The following FAM83H variants were observed in gnomAD, a reference collection of about 807,000 sequenced individuals.
The protein encoded by FAM83H is protein FAM83H.
A neutral mutation model predicts 30.2 loss-of-function variants in FAM83H; 24 were observed. That is an observed-to-expected ratio of 0.79 (90% CI 0.57 to 1.12). FAM83H has a LOEUF of 1.12. Among genes scored for constraint, FAM83H ranks in the 50% most tolerant of loss-of-function variants. The pLI, the probability that FAM83H is intolerant of heterozygous loss-of-function variation, is 0.00. For missense variants in FAM83H, 2,038 were observed against 1,773.9 expected (o/e 1.15, Z -2.67); for synonymous variants, 1,013 against 821.7 (o/e 1.23, Z -3.98).
chr8:143,728,685 G>A lies in FAM83H; in HGVS notation c.776C>T (p.Ala259Val), dbSNP rs782675986. 11 of 1,601,688 alleles carry A rather than the reference G, an allele frequency of 6.9e-6. 2 individuals carry two copies. In the South Asian group the frequency reaches 1.1e-4, roughly 16 times the overall value. The change falls in exon 5 of 5, where the codon GCG (alanine) becomes GTG (valine). Residue 259 changes from alanine to valine, a missense_variant. By Grantham distance (64) the Ala-to-Val change is moderately conservative (BLOSUM62 0). Transcript: ENST00000388913. ...WSFEKIHRSL[A>V]HVFQGELVSS... ...GACCAGCTCTCCTTGGAACACGTGC[G>A]CCAGGCTGCGGTGGATCTTCTCAAA...
chr8:143,730,409 A>C lies in FAM83H; in HGVS notation c.174T>G (p.Pro58=), dbSNP rs782669495. 2 of 1,613,094 alleles carry C rather than the reference A, an allele frequency of 1.2e-6. No homozygotes were observed. Among genetic ancestry groups the C allele is most frequent in the Non-Finnish European group, 1.7e-6 (2 of 1,180,036 alleles). ...GTCGGCTCACATGTTCCAGCTCTTC[A>C]GGGCACAGGAAGTCTGGTGCCCCCT... The part of the protein sequence containing the change: ...ATEGAPDFLC[P]EELEHVSRHL... Residue 58 remains proline, a synonymous_variant, in exon 2 of 5, where the codon CCT becomes CCG. Transcript: ENST00000388913.
At chr8:143,730,936 A>C (rs1016178382) in intron 1 of FAM83H, among the ~76,000 whole-genome samples, 1 of 152,124 alleles carries the variant, frequency 6.6e-6, no homozygotes, top group Non-Finnish European at 1.5e-5. Context: ...TCTACAAAAA[A>C]TTTTAAACAT....
Position 143,726,526 on chromosome 8 carries a change from G to A in FAM83H, c.2935C>T (p.Arg979Trp). Residue 979 changes from arginine (R) to tryptophan (W), a missense_variant, in exon 5 of 5, where the codon CGG (arginine) becomes TGG (tryptophan). Coordinates refer to ENST00000388913, the MANE Select transcript of FAM83H (RefSeq NM_198488.5). ...LRQLLSPKGE[R>W]RMEDEGGFPV... ...AAGCCACCCTCATCCTCCATGCGCC[G>A]CTCGCCCTTGGGGCTCAGCAGCTGC... 1 of 1,605,636 alleles carries A rather than the reference G, an allele frequency of 6.2e-7. No individual in the cohort carries two copies. Among genetic ancestry groups the A allele is most frequent in the Non-Finnish European group, 8.5e-7 (1 of 1,179,738 alleles).
chr8:143,730,803 T>C (rs570963811), intron 1 of FAM83H, among the ~76,000 whole-genome samples: 1 of 152,278 alleles, frequency 6.6e-6, no homozygotes, highest in South Asian at 2.1e-4. Flanking sequence ...GAGGGGACAC[T>C]GGCAGAGGGC....
intron 1 of FAM83H, chr8:143,731,830 T>C: frequency 2.0e-6 from 2 of 985,420 alleles, no homozygotes; most frequent in Non-Finnish European, 2.4e-6. Flanking sequence ...CTCCAAAGGG[T>C]CCCTGCGGGG....
Position 143,730,491 on chromosome 8 carries a change from G to C in FAM83H, c.92C>G (p.Ala31Gly), listed in dbSNP as rs782036478. 5.0e-6 allele frequency: 8 copies of C among 1,606,800 alleles called. No individual in the cohort carries two copies. The highest frequency in any genetic ancestry group is 6.8e-6 in the Non-Finnish European group (8 of 1,176,616). ...PPHYKEYYRL[A>G]VDALAEGGSE... ...GCCACCCTCGGCCAGTGCATCCACCGCCAGGCGGTAGTACTCTTTGTAGTG... is the reference window on the plus strand; with the variant it reads ...GCCACCCTCGGCCAGTGCATCCACCCCCAGGCGGTAGTACTCTTTGTAGTG... Residue 31 changes from alanine (A) to glycine (G), a missense_variant, in exon 2 of 5, where the codon GCG (alanine) becomes GGG (glycine). Ala to Gly is a moderately conservative substitution (Grantham distance 60, BLOSUM62 0). Transcript: ENST00000388913.
At position 143,733,649 on chromosome 8, in the gene FAM83H, G is replaced by C. The variant is rs1406708229; in HGVS notation, c.-16+42C>G. ...CCGCGCCAAGGGGCGCCCGCCCCCCGCCTCGCCCCGCCCCGCTCGGGCCGG... is the reference window on the plus strand; with the variant it reads ...CCGCGCCAAGGGGCGCCCGCCCCCCCCCTCGCCCCGCCCCGCTCGGGCCGG... On this transcript the variant is annotated intron_variant, in intron 1 of 4. Coordinates refer to ENST00000388913, the MANE Select transcript of FAM83H (RefSeq NM_198488.5). This position sits in a 1 kb window ranked among gnomAD's most constrained non-coding sequence, Gnocchi z 5.6. 1.3e-5 allele frequency: 2 copies of C among 150,436 alleles called. No homozygotes were observed. The highest frequency in any genetic ancestry group is 3.0e-5 in the Non-Finnish European group (2 of 67,436). The allele number at this position is 150,436 out of a possible 1,614,324, so 9.3% of individuals were successfully genotyped here.
intron 1 of FAM83H, chr8:143,732,784 T>A: frequency 3.1e-6 from 3 of 972,344 alleles, no homozygotes; most frequent in Non-Finnish European, 3.7e-6. Flanking sequence ...TGCCCACACA[T>A]TTGCCTACCA....
At position 143,725,719 on chromosome 8, in the gene FAM83H, G is replaced by T; in HGVS notation, c.*202C>A. ...TGGCGAGGGGTGCAGCCCCAGCGTTGGGGAGGCCAGGGGGCAGAGACGGCA... is the reference window on the plus strand; with the variant it reads ...TGGCGAGGGGTGCAGCCCCAGCGTTTGGGAGGCCAGGGGGCAGAGACGGCA... On this transcript the variant is annotated 3_prime_UTR_variant, in exon 5 of 5. Coordinates refer to ENST00000388913, the MANE Select transcript of FAM83H (RefSeq NM_198488.5). 5.0e-6 allele frequency: 4 copies of T among 804,952 alleles called. No homozygotes were observed. The highest frequency in any genetic ancestry group is 5.8e-6 in the Non-Finnish European group (3 of 520,854). 49.9% of individuals were successfully genotyped at this position (804,952 alleles called of 1,614,324 possible). A position where few individuals can be genotyped will look rare whatever the true frequency, so the allele number is the denominator to read the frequency against.
At position 143,727,804 on chromosome 8, in the gene FAM83H, CGGCCT is replaced by C. The variant is rs1818360260; in HGVS notation, c.1652_1656del (p.Gln551ArgfsTer152). On this transcript the variant is annotated frameshift_variant, in exon 5 of 5. Transcript: ENST00000388913. LOFTEE classifies it low-confidence loss of function (END_TRUNC). ...GCGGGGTCTGGGCCCGGCCTCGCCG[CGGCCT>C]GGCATGGGAAGCGCTGGGTCAGGTT... is the stretch of plus-strand genomic sequence containing the variant. The C allele has an allele frequency of 7.5e-7, 1 of 1,339,700 alleles. No homozygotes were observed. Among genetic ancestry groups the C allele is most frequent in the African/African-American group, 1.6e-5 (1 of 64,196 alleles). 83.0% of individuals were successfully genotyped at this position (1,339,700 alleles called of 1,614,324 possible).
chr8:143,732,479 T>C, intron 1 of FAM83H: 2 of 985,322 alleles, frequency 2.0e-6, no homozygotes, highest in Non-Finnish European at 2.4e-6. Flanking sequence ...TGATGTTGTT[T>C]GAGGGTACTT....
chr8:143,729,214 G>A lies in FAM83H; in HGVS notation c.557C>T (p.Ala186Val), dbSNP rs782640124. The stretch of plus-strand genomic sequence containing the variant: ...GTCGGCCATGTCCAGGAAGTGCTGC[G>A]CGTTCATCTCATCCAGCAGGATGTA... ...PVYILLDEMN[A>V]QHFLDMADKC... Residue 186 changes from alanine to valine, a missense_variant, in exon 3 of 5, where the codon GCG (alanine) becomes GTG (valine). Physicochemically the swap from Ala to Val is moderately conservative, Grantham distance 64 (BLOSUM62 0). Transcript: ENST00000388913. The A allele has an allele frequency of 3.1e-6, 5 of 1,613,594 alleles. No individual in the cohort carries two copies. The highest frequency in any genetic ancestry group is 2.2e-5 in the South Asian group (2 of 91,082).
intron 1 of FAM83H, 116 bp from the exon 2 acceptor site, chr8:143,730,713 C>T: frequency 1.2e-6 from 1 of 802,482 alleles, no homozygotes; most frequent in Non-Finnish European, 1.9e-6. Flanking sequence ...TGGAGTTTAG[C>T]CCATGCCCAG....
Position 143,727,682 on chromosome 8 carries a change from C to T in FAM83H, c.1779G>A (p.Glu593=), listed in dbSNP as rs782002232. The T allele has an allele frequency of 6.4e-7, 1 of 1,565,000 alleles. No homozygotes were observed. The highest frequency in any genetic ancestry group is 1.2e-5 in the South Asian group (1 of 86,882). ...LASYLSGCHG[E]DGGDDGLPAP... is the part of the protein sequence containing the mutation. ...CCGGTAGGCCGTCGTCGCCCCCATC[C>T]TCGCCGTGGCAGCCGCTCAAGTAGG... Residue 593 remains glutamate (E), a synonymous_variant, in exon 5 of 5, where the codon GAG becomes GAA. Transcript: ENST00000388913.
chr8:143,731,280 G>A (rs150061947), intron 1 of FAM83H: 18 of 965,764 alleles, frequency 1.9e-5, no homozygotes, highest in African/African-American at 1.1e-4. Context: ...CCATGTGTCC[G>A]TCTCTGACTG....
At position 143,728,337 on chromosome 8, in the gene FAM83H, G is replaced by C; in HGVS notation, c.1124C>G (p.Pro375Arg). ...CTCGGCCTCCAGGCGCCGCGAGAGC[G>C]GCCGCAGCCCCGCGTGCGGTTCCAG... ...GALEPHAGLR[P>R]LSRRLEAEAG... is the part of the protein sequence containing the mutation. The change falls in exon 5 of 5, where the codon CCG becomes CGG. Residue 375 changes from proline (P) to arginine (R), a missense_variant. Pro to Arg is a moderately radical substitution (Grantham distance 103, BLOSUM62 -2). Transcript: ENST00000388913. 3.4e-6 allele frequency: 5 copies of C among 1,458,790 alleles called. No individual in the cohort carries two copies. Among genetic ancestry groups the C allele is most frequent in the Non-Finnish European group, 4.5e-6 (5 of 1,110,800 alleles). The allele number at this position is 1,458,790 out of a possible 1,614,324, so 90.4% of individuals were successfully genotyped here.
In FAM83H at chr8:143,727,392, G is replaced by A. The variant is rs1554622544; in HGVS notation, c.2069C>T (p.Thr690Met). Residue 690 changes from threonine (T) to methionine (M), a missense_variant, in exon 5 of 5, where the codon ACG becomes ATG. Physicochemically the swap from Thr to Met is moderately conservative, Grantham distance 81. Transcript: ENST00000388913. ...CCCGGCCGCGCCCTCGGCCTGTGAC[G>A]TGCTGAAGATGAGCGAGGAGCGCAG... ...SRLRSSLIFS[T>M]SQAEGAAGAA... 7.0e-6 allele frequency: 11 copies of A among 1,574,038 alleles called. No homozygotes were observed. The highest frequency in any genetic ancestry group is 1.3e-5 in the African/African-American group (1 of 74,606).
chr8:143,728,755 A>G, intron 4 of FAM83H, 32 bp from the exon 5 acceptor site: 3 of 1,598,276 alleles, frequency 1.9e-6, no homozygotes, highest in Non-Finnish European at 2.5e-6. Flanking sequence ...AGTCAAACCG[A>G]GCTGGAGCGA....
In FAM83H at chr8:143,728,587, C is replaced by A; in HGVS notation, c.874G>T (p.Ala292Ser). Reference sequence around the variant, plus strand: ...GCCAGGGCATAGGCGTCCATGCGGGCCAGGGCCGCGGCCGAGGGCACAAGC... The same window carrying A: ...GCCAGGGCATAGGCGTCCATGCGGGACAGGGCCGCGGCCGAGGGCACAAGC... ...EPLVPSAAAL[A>S]RMDAYALAPY... Residue 292 changes from alanine to serine, a missense_variant, in exon 5 of 5, where the codon GCC becomes TCC. Physicochemically the swap from Ala to Ser is moderately conservative, Grantham distance 99. Coordinates refer to ENST00000388913, the MANE Select transcript of FAM83H (RefSeq NM_198488.5). 6.2e-7 allele frequency: 1 copy of A among 1,604,484 alleles called. No homozygotes were observed.
Sources: gnomAD v4.1 joint callset for allele counts (sites outside exome capture counted in the v4.1 genomes callset) on GRCh38, gnomAD v4.1.1 for gene constraint, Gnocchi (gnomAD v3.1) non-coding constraint, MANE v1.5 for transcripts, NCBI Gene and HGNC (gene_info 2026-07-23, HGNC 2026-07-21) for gene names.